The following ZAN variants were observed in gnomAD, a reference collection of about 807,000 sequenced individuals.
ZAN encodes zonadhesin.
A neutral mutation model predicts 286.2 loss-of-function variants in ZAN; 260 were observed. The observed-to-expected ratio is 0.91, with a 90% confidence interval of 0.82 to 1.01. The LOEUF is 1.01. Ranked by LOEUF, ZAN falls within the 50% of genes least tolerant of loss-of-function variation. The pLI, the probability that ZAN is intolerant of heterozygous loss-of-function variation, is 0.00. For synonymous variants in ZAN, 1,368 were observed against 1,417.5 expected, an observed-to-expected ratio of 0.97 and a Z score of 0.79; for missense variants, 3,410 against 3,639.2, an observed-to-expected ratio of 0.94 and a Z score of 1.62.
Position 100,750,808 on chromosome 7 carries a change from T to C in ZAN, c.1433T>C (p.Ile478Thr), listed in dbSNP as rs369617762. 3.7e-5 allele frequency: 60 copies of C among 1,608,720 alleles called. No homozygotes were observed. Among genetic ancestry groups the C allele is most frequent in the Non-Finnish European group, 4.8e-5 (57 of 1,176,528 alleles). ...LLGSPAGSPP[I>T]PLWKRVGSQR... ...GGAAGTCCTGCGGGGAGTCCCCCGA[T>C]TCCTCTCTGGAAACGCGTGGGGTCT... Residue 478 changes from isoleucine (I) to threonine (T), a missense_variant, in exon 12 of 48, where the codon ATT becomes ACT. Transcript: ENST00000613979.
At chr7:100,791,812 C>T (rs1297528156) in intron 40 of ZAN, among the ~76,000 whole-genome samples, 154 bp from the exon 41 acceptor site, 1 of 152,110 alleles carries the variant, frequency 6.6e-6, no homozygotes, top group Non-Finnish European at 1.5e-5. Context: ...ACTGCAGTTT[C>T]CACCTCCTGG....
At chr7:100,773,518 C>A in intron 30 of ZAN, 25 bp downstream of exon 30, 1 of 1,609,632 alleles carries the variant, frequency 6.2e-7, no homozygotes, top group South Asian at 1.1e-5. Context: ...AGGAGGGGCC[C>A]CGCCCTTTCC....
Position 100,793,928 on chromosome 7 carries a change from G to A in ZAN, c.7896G>A (p.Arg2632=). The change falls in exon 43 of 48, where the codon AGG becomes AGA. Residue 2632 remains arginine, a synonymous_variant. Transcript: ENST00000613979. ...PRGLRGPLRG[R]LRQHPRLCLQ... is the part of the protein sequence containing the mutation. The stretch of plus-strand genomic sequence containing the variant: ...GACTGCGAGGGCCCCTGCGTGGAAG[G>A]CTGCGCCAGCATCCCAGGCTATGCC... The A allele has an allele frequency of 1.9e-6, 3 of 1,613,956 alleles. No homozygotes were observed. The highest frequency in any genetic ancestry group is 2.7e-5 in the African/African-American group (2 of 75,064).
chr7:100,785,002 C>T, intron 36 of ZAN, among the ~76,000 whole-genome samples, 168 bp downstream of exon 36: 1 of 152,072 alleles, frequency 6.6e-6, no homozygotes, highest in East Asian at 1.9e-4. Flanking sequence ...GGGCTGATGG[C>T]ACATGGTTTG....
chr7:100,781,163 G>A (rs986072836), intron 35 of ZAN, among the ~76,000 whole-genome samples: 2 of 151,996 alleles, frequency 1.3e-5, no homozygotes, highest in Admixed American at 6.6e-5. Flanking sequence ...CACCTTCTGG[G>A]TTCAAGAGAT....
intron 12 of ZAN, 134 bp downstream of exon 12, chr7:100,751,030 A>G: frequency 1.4e-6 from 2 of 1,416,440 alleles, no homozygotes; most frequent in East Asian, 4.9e-5. Context: ...GTGTTACAGA[A>G]AGTGAGAAAG....
intron 15 of ZAN, among the ~76,000 whole-genome samples, chr7:100,755,948 T>C (rs748769493): frequency 1.3e-4 from 20 of 152,208 alleles, no homozygotes; most frequent in Non-Finnish European, 2.2e-4. Context: ...TGGAGTGCAG[T>C]GGCACGATCT....
intron 45 of ZAN, among the ~76,000 whole-genome samples, chr7:100,795,864 C>T (rs927727090): frequency 6.6e-6 from 1 of 151,674 alleles, no homozygotes; most frequent in African/African-American, 2.4e-5. Flanking sequence ...CAAGATCAAG[C>T]CACTGCACTC....
intron 2 of ZAN, 33 bp downstream of exon 2, chr7:100,734,254 G>C: frequency 7.4e-7 from 1 of 1,359,590 alleles, no homozygotes; most frequent in South Asian, 1.3e-5. Context: ...TGATAAACCA[G>C]GGTCAGCTGA....
chr7:100,762,415 CTCTCT>C lies in ZAN; in HGVS notation c.3986+59_3986+63del. ...GGAAGGTTCCGTCCCCTTCCTGGAA[CTCTCT>C]TTTTTTTTTTTTTTTTTTTTTTTGA... is the stretch of plus-strand genomic sequence containing the variant. On this transcript the variant is annotated intron_variant, in intron 20 of 47. Transcript: ENST00000613979. The C allele has an allele frequency of 6.7e-6, 7 of 1,048,286 alleles. No individual in the cohort carries two copies. The South Asian group carries it at 8.8e-5, about 13-fold the overall frequency. 64.9% of individuals were successfully genotyped at this position (1,048,286 alleles called of 1,614,324 possible). A position where few individuals can be genotyped will look rare whatever the true frequency, so the allele number is the denominator to read the frequency against.
In ZAN at chr7:100,746,670, G is replaced by A; in HGVS notation, c.899G>A (p.Gly300Asp). The A allele has an allele frequency of 6.2e-7, 1 of 1,613,934 alleles. No homozygotes were observed. Among genetic ancestry groups the A allele is most frequent in the South Asian group, 1.1e-5 (1 of 91,080 alleles). Residue 300 changes from glycine to aspartate, a missense_variant, in exon 8 of 48, where the codon GGT becomes GAT. Gly to Asp is a moderately conservative substitution (Grantham distance 94). This residue lies in a region of ZAN where 872 missense variants were observed against 938.9 expected (regional missense o/e 0.93). Transcript: ENST00000613979. ...FHYILRGQSP[G>D]AALHIYASVL... is the part of the protein sequence containing the mutation. ...TACATCCTCCGGGGCCAGTCTCCTG[G>A]TGCAGCCCTCCACATTTATGCTTCA...
chr7:100,781,531 G>C (rs1369239472), intron 35 of ZAN, among the ~76,000 whole-genome samples: 1 of 152,076 alleles, frequency 6.6e-6, no homozygotes, highest in Admixed American at 6.6e-5. Context: ...GTGCAGAAGG[G>C]GGCCGCTGCT....
intron 45 of ZAN, among the ~76,000 whole-genome samples, chr7:100,796,029 A>C (rs905134988): frequency 6.6e-6 from 1 of 152,100 alleles, no homozygotes; most frequent in Non-Finnish European, 1.5e-5. Flanking sequence ...GCAGTGAGCT[A>C]AGATCACGCT....
chr7:100,795,452 T>A, intron 45 of ZAN, 116 bp downstream of exon 45: 1 of 1,017,862 alleles, frequency 9.8e-7, no homozygotes, highest in Non-Finnish European at 1.3e-6. Context: ...TAATATTATG[T>A]TACAGATATT....
At chr7:100,768,870 C>T in intron 27 of ZAN, 149 bp downstream of exon 27, 1 of 648,816 alleles carries the variant, frequency 1.5e-6, no homozygotes, top group Non-Finnish European at 2.5e-6. Flanking sequence ...CCTGTTTAGA[C>T]TCTCCAAGAT....
intron 15 of ZAN, among the ~76,000 whole-genome samples, chr7:100,757,202 C>T (rs1181215351): frequency 6.6e-6 from 1 of 151,610 alleles, no homozygotes; most frequent in Non-Finnish European, 1.5e-5. Flanking sequence ...GTTGCCCAGG[C>T]TGGTCTATGA....
rs755964658 is a variant in ZAN, at chr7:100,751,907, C to T, written c.1802C>T (p.Ser601Phe). 2.8e-5 allele frequency: 45 copies of T among 1,613,190 alleles called. 1 individual carries two copies. In the Middle Eastern group the frequency reaches 4.9e-4, roughly 18 times the overall value. Residue 601 changes from serine to phenylalanine, a missense_variant, in exon 14 of 48, where the codon TCC becomes TTC. Physicochemically the swap from Ser to Phe is radical, Grantham distance 155. Around this residue, in one of 7 missense-constraint regions of ZAN, gnomAD observed 872 missense variants for 938.9 expected, o/e 0.93. Coordinates refer to ENST00000613979, the MANE Select transcript of ZAN (RefSeq NM_003386.3). ...ATTCCCACAGAAAAACCCACCATCT[C>T]CACAGAAAAACCCACCATTCCTTCA... ...PTIPTEKPTISTEKPTIPSEK... is the reference protein window; with the variant it reads ...PTIPTEKPTIFTEKPTIPSEK...
At chr7:100,783,345 T>G (rs1811313615) in intron 35 of ZAN, among the ~76,000 whole-genome samples, 1 of 151,846 alleles carries the variant, frequency 6.6e-6, no homozygotes, top group South Asian at 2.1e-4. Context: ...CTGATGGCTC[T>G]TTTTTTTAGG....
At position 100,797,381 on chromosome 7, in the gene ZAN, G is replaced by C. The variant is rs314344; in HGVS notation, c.8282G>C (p.Gly2761Ala). ...CACCCAGAAGCATCTAACCTGGTGG[G>C]CGTCCTACTGGGACTGCTGGTGCCT... ...PPRKPASNLV[G>A]VLLGLLVPVV... The change falls in exon 46 of 48, where the codon GGC (glycine) becomes GCC (alanine). Residue 2761 changes from glycine (G) to alanine (A), a missense_variant. Physicochemically the swap from Gly to Ala is moderately conservative, Grantham distance 60. This residue lies in a region of ZAN where 1,289 missense variants were observed against 1,314.3 expected (regional missense o/e 0.98). Transcript: ENST00000613979. 0.56 allele frequency: 906,948 copies of C among 1,613,212 alleles called. 264,857 individuals carry two copies. Among genetic ancestry groups the C allele is most frequent in the Middle Eastern group, 0.68 (4,094 of 6,040 alleles).
Sources: gnomAD v4.1 joint callset for allele counts (sites outside exome capture counted in the v4.1 genomes callset) on GRCh38, gnomAD v4.1.1 for gene constraint, gnomAD v4.1.1 regional missense constraint, MANE v1.5 for transcripts, NCBI Gene and HGNC (gene_info 2026-07-23, HGNC 2026-07-21) for gene names.